Variants in TAF4 observed in about 807,000 individuals in gnomAD.
TAF4 encodes transcription initiation factor TFIID subunit 4.
In TAF4, 9 loss-of-function variants were observed where a neutral mutation model predicts 90.3. The ratio of observed to expected loss-of-function variants is 0.10; its 90% CI spans 0.06 to 0.17. The LOEUF is 0.17. Ranked by LOEUF, TAF4 falls within the 10% of genes least tolerant of loss-of-function variation. The probability of loss-of-function intolerance (pLI) is 1.00; values close to 1 mark genes in which losing one functional copy is unlikely to be tolerated. For missense variants in TAF4, 1,351 were observed against 1,370.7 expected (o/e 0.99, Z 0.23); for synonymous variants, 818 against 638.9 (o/e 1.28, Z -4.23).
At chr20:62,000,086 C>A (rs1458062109) in intron 11 of TAF4, 38 bp downstream of exon 11, 2 of 1,614,020 alleles carry the variant, frequency 1.2e-6, no homozygotes, top group African/African-American at 2.7e-5. Context: ...TGGGGGCCAA[C>A]AACATAAAGA....
At chr20:62,053,404 G>C (rs933209705) in intron 1 of TAF4, among the ~76,000 whole-genome samples, 1 of 152,220 alleles carries the variant, frequency 6.6e-6, no homozygotes, top group African/African-American at 2.4e-5. Flanking sequence ...CTCTGGATCC[G>C]TCACTAAGCA....
chr20:61,987,163 C>G (rs1294901962), intron 14 of TAF4, among the ~76,000 whole-genome samples: 2 of 152,164 alleles, frequency 1.3e-5, no homozygotes, highest in Admixed American at 6.5e-5. Context: ...CCGCGGCATT[C>G]TAACTGAGAT....
At chr20:62,056,687 T>C (rs886540190) in intron 1 of TAF4, among the ~76,000 whole-genome samples, 3 of 152,040 alleles carry the variant, frequency 2.0e-5, no homozygotes, top group East Asian at 1.9e-4. Flanking sequence ...GAAGCAGATA[T>C]GCAGCAGACA....
chr20:62,054,801 G>A (rs1234269170), intron 1 of TAF4, among the ~76,000 whole-genome samples: 4 of 151,938 alleles, frequency 2.6e-5, no homozygotes, highest in African/African-American at 4.8e-5. Flanking sequence ...TCATAACACC[G>A]TCATGGCCAT....
chr20:62,047,931 T>G (rs1017568595), intron 1 of TAF4, among the ~76,000 whole-genome samples: 1 of 152,202 alleles, frequency 6.6e-6, no homozygotes, highest in African/African-American at 2.4e-5. Flanking sequence ...GGGCGCTGCC[T>G]GACACCGGCA....
chr20:62,063,394 G>A (rs2056100888), intron 1 of TAF4, among the ~76,000 whole-genome samples: 1 of 152,198 alleles, frequency 6.6e-6, no homozygotes, highest in Non-Finnish European at 1.5e-5. Context: ...TGCACGGCAC[G>A]CGTCACCACA....
chr20:62,023,072 C>T (rs940684643), intron 1 of TAF4, among the ~76,000 whole-genome samples: 1 of 152,214 alleles, frequency 6.6e-6, no homozygotes, highest in African/African-American at 2.4e-5. Flanking sequence ...CCAGCAGCCT[C>T]CTGTGTAGAA....
At chr20:62,032,599 C>A (rs1334752462) in intron 1 of TAF4, among the ~76,000 whole-genome samples, 1 of 152,260 alleles carries the variant, frequency 6.6e-6, no homozygotes, top group Non-Finnish European at 1.5e-5. Context: ...TCCCAATGTT[C>A]TGCTTACTTT....
Position 62,006,635 on chromosome 20 carries a change from T to G in TAF4, c.2098A>C (p.Ser700Arg), listed in dbSNP as rs1399102294. ...TTCCCGGCCGTGCGCTGGACCGAGCTACTCAGCACCACGGCCGTGAGCGCA... is the reference window on the plus strand; with the variant it reads ...TTCCCGGCCGTGCGCTGGACCGAGCGACTCAGCACCACGGCCGTGAGCGCA... Reference protein sequence around the residue: ...TTALTAVVLSSSVQRTAGKTA... With the variant: ...TTALTAVVLSRSVQRTAGKTA... Residue 700 changes from serine (S) to arginine (R), a missense_variant, in exon 7 of 15, where the codon AGC becomes CGC. Physicochemically the swap from Ser to Arg is moderately radical, Grantham distance 110. This residue lies in a region of TAF4 where 202 missense variants were observed against 229.7 expected (regional missense o/e 0.88). Transcript: ENST00000252996. The surrounding 1 kb of genome is among the most constrained non-coding windows in gnomAD (Gnocchi z 7.0). 1 of 1,601,654 alleles carries G rather than the reference T, an allele frequency of 6.2e-7. No individual in the cohort carries two copies. Among genetic ancestry groups the G allele is most frequent in the Non-Finnish European group, 8.5e-7 (1 of 1,172,950 alleles).
intron 14 of TAF4, among the ~76,000 whole-genome samples, chr20:61,977,109 CCACA>C (rs2055499952): frequency 6.8e-6 from 1 of 148,016 alleles, no homozygotes; most frequent in Non-Finnish European, 1.5e-5. Flanking sequence ...GGGGCACGCG[CCACA>C]CACACGACAC....
chr20:62,064,234 G>A, intron 1 of TAF4: 1 of 453,812 alleles, frequency 2.2e-6, no homozygotes, highest in Non-Finnish European at 3.6e-6. Context: ...GTCAGGGACA[G>A]CGACAGGGAC....
chr20:62,064,833 G>C lies in TAF4; in HGVS notation c.978C>G (p.Ser326Arg). 1.0e-6 allele frequency: 1 copy of C among 971,866 alleles called. No individual in the cohort carries two copies. Among genetic ancestry groups the C allele is most frequent in the Non-Finnish European group, 1.2e-6 (1 of 822,608 alleles). 60.2% of individuals were successfully genotyped at this position (971,866 alleles called of 1,614,324 possible). A position where few individuals can be genotyped will look rare whatever the true frequency, so the allele number is the denominator to read the frequency against. The change falls in exon 1 of 15, where the codon AGC becomes AGG. Residue 326 changes from serine (S) to arginine (R), a missense_variant. Around this residue, in one of 9 missense-constraint regions of TAF4, gnomAD observed 782 missense variants for 536.6 expected, o/e 1.46. Transcript: ENST00000252996. The stretch of plus-strand genomic sequence containing the variant: ...CCGCCGCGCCGGGCCCGGGTTGGCC[G>C]CTGACCCCCGCGGGGCCCCCGGCGG... ...APAAGGPAGVSGQPGPGAAAA... is the reference protein window; with the variant it reads ...APAAGGPAGVRGQPGPGAAAA...
At chr20:61,987,100 C>T (rs768983671) in intron 14 of TAF4, among the ~76,000 whole-genome samples, 1 of 152,216 alleles carries the variant, frequency 6.6e-6, no homozygotes, top group African/African-American at 2.4e-5. Flanking sequence ...CAGCAACAGC[C>T]AGGCGACACC....
At chr20:62,031,262 G>A (rs556687870) in intron 1 of TAF4, among the ~76,000 whole-genome samples, 3 of 152,292 alleles carry the variant, frequency 2.0e-5, no homozygotes, top group African/African-American at 4.8e-5. Context: ...CAGGCTGGGC[G>A]TCCAAGCCCT....
chr20:62,039,198 C>A (rs2055950323), intron 1 of TAF4, among the ~76,000 whole-genome samples: 2 of 152,198 alleles, frequency 1.3e-5, no homozygotes, highest in African/African-American at 4.8e-5. Flanking sequence ...TCCTGCCACC[C>A]ATCAACACTC....
At position 61,998,180 on chromosome 20, in the gene TAF4, G is replaced by T; in HGVS notation, c.2926C>A (p.Gln976Lys). The T allele has an allele frequency of 6.2e-7, 1 of 1,613,468 alleles. No individual in the cohort carries two copies. The highest frequency in any genetic ancestry group is 8.5e-7 in the Non-Finnish European group (1 of 1,179,848). ...LMRAAKSRSR[Q>K]EDPEQLRLKQ... ...AGCCTTAACTGTTCTGGATCTTCTT[G>T]TCTTGACCGAGACTATTTTTGAAAG... is the stretch of plus-strand genomic sequence containing the variant. Residue 976 changes from glutamine to lysine, a missense_variant, in exon 13 of 15, where the codon CAA becomes AAA. Coordinates refer to ENST00000252996, the MANE Select transcript of TAF4 (RefSeq NM_003185.4).
chr20:61,975,175 A>G lies in TAF4; in HGVS notation c.*993T>C, dbSNP rs2055485297. 1 of 152,444 alleles carries G rather than the reference A, an allele frequency of 6.6e-6. No homozygotes were observed. Among genetic ancestry groups the G allele is most frequent in the African/African-American group, 2.4e-5 (1 of 41,454 alleles). The allele number at this position is 152,444 out of a possible 1,614,324, so 9.4% of individuals were successfully genotyped here. On this transcript the variant is annotated 3_prime_UTR_variant, in exon 15 of 15. Transcript: ENST00000252996. ...ATATTTGTAATAAAAAAATAGGTACAAAGAAGGGGCTTTGCTCTGGACGTC... is the reference window on the plus strand; with the variant it reads ...ATATTTGTAATAAAAAAATAGGTACGAAGAAGGGGCTTTGCTCTGGACGTC...
chr20:62,029,247 AG>A (rs1311835334), intron 1 of TAF4, among the ~76,000 whole-genome samples: 1 of 151,988 alleles, frequency 6.6e-6, no homozygotes, highest in East Asian at 1.9e-4. Context: ...AGGTGTACAT[AG>A]CTGTTTGTTG....
chr20:62,020,092 C>T (rs1303356370), intron 1 of TAF4, among the ~76,000 whole-genome samples: 2 of 152,204 alleles, frequency 1.3e-5, no homozygotes, highest in Non-Finnish European at 2.9e-5. Flanking sequence ...CACATCCCTC[C>T]ACAGGGGTCC....
Sources: gnomAD v4.1 joint callset for allele counts (sites outside exome capture counted in the v4.1 genomes callset) on GRCh38, gnomAD v4.1.1 for gene constraint, gnomAD v4.1.1 regional missense constraint, Gnocchi (gnomAD v3.1) non-coding constraint, MANE v1.5 for transcripts, NCBI Gene and HGNC (gene_info 2026-07-23, HGNC 2026-07-21) for gene names.